Variants in EHBP1 observed in about 807,000 individuals in gnomAD.
EHBP1 encodes EH domain binding protein 1.
Under a neutral mutation model 144.0 loss-of-function variants are expected in EHBP1, and 55 were observed. The observed-to-expected ratio is 0.38, with a 90% CI of 0.31 to 0.48. EHBP1 has a LOEUF of 0.48. EHBP1 is among the 20% of genes least tolerant of loss of function. EHBP1 has a pLI of 0.98. For missense variants in EHBP1, 1,200 were observed against 1,364.2 expected (o/e 0.88, Z 1.90); for synonymous variants, 469 against 472.7 (o/e 0.99, Z 0.10).
chr2:62,749,997 A>G (rs2039525957), intron 3 of EHBP1, among the ~76,000 whole-genome samples: 3 of 152,052 alleles, frequency 2.0e-5, no homozygotes, highest in South Asian at 4.1e-4. Flanking sequence ...ATTAAGTACC[A>G]TTTGTCAATT....
intron 5 of EHBP1, among the ~76,000 whole-genome samples, chr2:62,780,914 TA>T (rs2042378329): frequency 2.5e-5 from 1 of 40,108 alleles, no homozygotes; most frequent in Non-Finnish European, 5.6e-5. Context: ...ATTTGGAGAT[TA>T]TTCGTCTTTA....
chr2:63,022,367 T>C (rs1011172130), intron 19 of EHBP1, among the ~76,000 whole-genome samples: 2 of 151,900 alleles, frequency 1.3e-5, no homozygotes, highest in African/African-American at 4.8e-5. Flanking sequence ...CAGGCTGGAG[T>C]GCAATGGCGC....
chr2:62,865,680 A>G (rs921439092), intron 9 of EHBP1, among the ~76,000 whole-genome samples: 1 of 152,216 alleles, frequency 6.6e-6, no homozygotes, highest in Non-Finnish European at 1.5e-5. Context: ...ATTATATGAA[A>G]CAATAGGATT....
intron 1 of EHBP1, among the ~76,000 whole-genome samples, chr2:62,692,579 G>A (rs1409060792): frequency 6.6e-6 from 1 of 152,122 alleles, no homozygotes; most frequent in African/African-American, 2.4e-5. Context: ...TTTAATTGGT[G>A]TAAAGTAGTA....
chr2:62,930,975 T>C (rs1048612087), intron 10 of EHBP1, among the ~76,000 whole-genome samples: 1 of 152,148 alleles, frequency 6.6e-6, no homozygotes, highest in Non-Finnish European at 1.5e-5. Context: ...AGTGATTTCT[T>C]GGGTAGACAC....
chr2:63,010,220 T>G (rs1229682923), intron 19 of EHBP1, among the ~76,000 whole-genome samples: 3 of 151,406 alleles, frequency 2.0e-5, no homozygotes, highest in Non-Finnish European at 4.4e-5. Flanking sequence ...GATCATCTAG[T>G]ATAGACCTTT....
At chr2:62,775,227 A>G (rs2041976884) in intron 5 of EHBP1, among the ~76,000 whole-genome samples, 3 of 152,194 alleles carry the variant, frequency 2.0e-5, no homozygotes, top group Admixed American at 1.3e-4. Context: ...TTGGCATTCT[A>G]TATATAAACC....
intron 2 of EHBP1, among the ~76,000 whole-genome samples, chr2:62,743,997 G>C (rs548842829): frequency 1.6e-4 from 24 of 152,122 alleles, no homozygotes; most frequent in African/African-American, 5.5e-4. Context: ...CTTTTTAATG[G>C]CTTTGGAGAT....
chr2:62,948,595 T>A lies in EHBP1; in HGVS notation c.1749T>A (p.Asp583Glu). Residue 583 changes from aspartate (D) to glutamate (E), a missense_variant, in exon 13 of 23, where the codon GAT (aspartate) becomes GAA (glutamate). Asp to Glu is a conservative substitution (Grantham distance 45, BLOSUM62 2). Coordinates refer to ENST00000431489, the MANE Select transcript of EHBP1 (RefSeq NM_001142616.3). ...AGGATGACTCTGTATTTGTAAATGA[T>A]AGCGGGGTTGGAGAGTCAGAAAGTG... ...LSQDDSVFVN[D>E]SGVGESESEH... is the part of the protein sequence containing the mutation. 9 of 1,614,012 alleles carry A rather than the reference T, an allele frequency of 5.6e-6. No individual in the cohort carries two copies. The highest frequency in any genetic ancestry group is 7.6e-6 in the Non-Finnish European group (9 of 1,179,976).
chr2:62,766,898 T>G (rs996496646), intron 4 of EHBP1, among the ~76,000 whole-genome samples: 1 of 150,764 alleles, frequency 6.6e-6, no homozygotes, highest in Non-Finnish European at 1.5e-5. Context: ...CTACAATCCC[T>G]TATATACTAA....
At position 63,017,117 on chromosome 2, in the gene EHBP1, A is replaced by G. The variant is rs75905004; in HGVS notation, c.3103+20351A>G. 9.9e-4 allele frequency among the ~76,000 whole-genome samples: 151 copies of G among 152,354 alleles called. 2 individuals are homozygous for G. In the East Asian group the frequency reaches 0.027, roughly 28 times the overall value. The stretch of plus-strand genomic sequence containing the variant: ...TGTACACTAATAGAATGAGGACACT[A>G]TGGCTTTAGAAATAAAAATTGGAGT... On this transcript the variant is annotated intron_variant, in intron 19 of 22. Coordinates refer to ENST00000431489, the MANE Select transcript of EHBP1 (RefSeq NM_001142616.3).
intron 5 of EHBP1, among the ~76,000 whole-genome samples, chr2:62,800,297 A>G (rs1205098261): frequency 6.6e-6 from 1 of 152,188 alleles, no homozygotes; most frequent in Non-Finnish European, 1.5e-5. Context: ...GCAGTAGATA[A>G]CCCAGCTTTT....
At chr2:62,995,117 A>C (rs2153224772) in intron 18 of EHBP1, among the ~76,000 whole-genome samples, 1 of 152,262 alleles carries the variant, frequency 6.6e-6, no homozygotes, top group Non-Finnish European at 1.5e-5. Context: ...GCTATCTGGC[A>C]GATAGGTTCA....
chr2:63,015,671 AAT>A (rs1388513598), intron 19 of EHBP1, among the ~76,000 whole-genome samples: 1 of 152,122 alleles, frequency 6.6e-6, no homozygotes, highest in Non-Finnish European at 1.5e-5. Context: ...AATAGACATT[AAT>A]ATGTCTATTT....
chr2:62,835,117 G>T (rs1160797970), intron 7 of EHBP1, among the ~76,000 whole-genome samples: 1 of 151,820 alleles, frequency 6.6e-6, no homozygotes, highest in African/African-American at 2.4e-5. Context: ...GGTTTTTTTA[G>T]ATTTTTATTT....
At chr2:62,692,165 A>G (rs1401137725) in intron 1 of EHBP1, among the ~76,000 whole-genome samples, 1 of 152,196 alleles carries the variant, frequency 6.6e-6, no homozygotes, top group Non-Finnish European at 1.5e-5. Flanking sequence ...CTTTCACTTA[A>G]CATAGTTTTC....
intron 15 of EHBP1, among the ~76,000 whole-genome samples, chr2:62,983,698 T>A (rs192144759): frequency 1.3e-5 from 2 of 152,074 alleles, no homozygotes; most frequent in African/African-American, 4.8e-5. Flanking sequence ...CCGGCCACCA[T>A]GCCCAGCTAA....
At chr2:62,937,937 G>GA (rs1205773696) in intron 10 of EHBP1, among the ~76,000 whole-genome samples, 4 of 152,170 alleles carry the variant, frequency 2.6e-5, no homozygotes, top group African/African-American at 4.8e-5. Context: ...ACCGAGGGGG[G>GA]ATTTGGAAGA....
chr2:62,695,312 G>C (rs1389309189), intron 1 of EHBP1, among the ~76,000 whole-genome samples: 1 of 151,974 alleles, frequency 6.6e-6, no homozygotes. Flanking sequence ...AGTGAGCCGT[G>C]ATCACACCAC....
Sources: allele counts gnomAD v4.1 joint callset (sites outside exome capture counted in the v4.1 genomes callset), GRCh38; gene constraint gnomAD v4.1.1; transcripts MANE v1.5; gene names NCBI Gene and HGNC (gene_info 2026-07-23, HGNC 2026-07-21).